Variants in LAP3 observed in about 807,000 individuals in gnomAD.
LAP3 encodes the protein leucine aminopeptidase 3.
In LAP3, 46 loss-of-function variants were observed where a neutral mutation model predicts 58.8. The ratio of observed to expected loss-of-function variants is 0.78; its 90% CI spans 0.62 to 1.00. The LOEUF is 1.00. Ranked by LOEUF, LAP3 falls within the 50% of genes least tolerant of loss-of-function variation. The probability of loss-of-function intolerance (pLI) is 0.00; values close to 1 mark genes in which losing one functional copy is unlikely to be tolerated. For missense variants in LAP3, 615 were observed against 659.1 expected (o/e 0.93, Z 0.73); for synonymous variants, 257 against 237.7 (o/e 1.08, Z -0.75).
intron 6 of LAP3, 144 bp from the exon 7 acceptor site, chr4:17,588,675 T>TG: frequency 1.5e-6 from 1 of 687,100 alleles, no homozygotes; most frequent in South Asian, 2.8e-5. Flanking sequence ...AAGCAAATAA[T>TG]GGGACCTGAT....
At chr4:17,577,889 G>A (rs1410698968) in intron 1 of LAP3, among the ~76,000 whole-genome samples, 1 of 152,178 alleles carries the variant, frequency 6.6e-6, no homozygotes, top group Admixed American at 6.5e-5. Context: ...CGGCGGTGGG[G>A]CTCCCATCCG....
In LAP3 at chr4:17,577,368, C is replaced by A; in HGVS notation, c.-98C>A. 1.1e-6 allele frequency: 1 copy of A among 900,924 alleles called. No individual in the cohort carries two copies. The highest frequency in any genetic ancestry group is 1.6e-6 in the Non-Finnish European group (1 of 634,470). The allele number at this position is 900,924 out of a possible 1,614,324, so 55.8% of individuals were successfully genotyped here. A position where few individuals can be genotyped will look rare whatever the true frequency, so the allele number is the denominator to read the frequency against. ...CCCGGCGCCCGAGCCAGTCCGCGCG[C>A]ACGCCGTCTGCGCCCCGAAAGCCCC... On this transcript the variant is annotated 5_prime_UTR_variant, in exon 1 of 13. Transcript: ENST00000226299.
In LAP3 at chr4:17,577,234, A is replaced by C. The variant is rs1419344163; in HGVS notation, c.-232A>C. On this transcript the variant is annotated 5_prime_UTR_variant, in exon 1 of 13. Transcript: ENST00000226299. ...CGGGCGCACACGAATGCGGGCGCAC[A>C]CGAATGCGGGCGCACCCTTGAGTCC... is the stretch of plus-strand genomic sequence containing the variant. The C allele has an allele frequency of 1.9e-5, 7 of 364,288 alleles. No homozygotes were observed. The highest frequency in any genetic ancestry group is 8.0e-5 in the African/African-American group (3 of 37,558). 22.6% of individuals were successfully genotyped at this position (364,288 alleles called of 1,614,324 possible). A position where few individuals can be genotyped will look rare whatever the true frequency, so the allele number is the denominator to read the frequency against.
intron 10 of LAP3, among the ~76,000 whole-genome samples, chr4:17,599,877 G>A (rs149175624): frequency 4.8e-4 from 73 of 152,262 alleles, no homozygotes; most frequent in African/African-American, 1.5e-3. Flanking sequence ...TCAGTTAGCC[G>A]TGGGCAAGTT....
chr4:17,583,690 C>T (rs1253371453), intron 5 of LAP3, 48 bp downstream of exon 5: 1 of 1,607,404 alleles, frequency 6.2e-7, no homozygotes, highest in African/African-American at 1.3e-5. Context: ...GGCGTTCTGA[C>T]AGCCTGGCTT....
rs372112183 is a variant in LAP3, at chr4:17,598,488, A to G, written c.1110A>G (p.Ile370Met). 6.2e-7 allele frequency: 1 copy of G among 1,613,946 alleles called. No homozygotes were observed. Among genetic ancestry groups the G allele is most frequent in the Non-Finnish European group, 8.5e-7 (1 of 1,179,982 alleles). The part of the protein sequence containing the change: ...VDNTDAEGRL[I>M]LADALCYAHT... ...ACACTGATGCTGAGGGGAGGCTCAT[A>G]CTGGCTGATGCGCTCTGTTACGCAC... Residue 370 changes from isoleucine (I) to methionine (M), a missense_variant, in exon 10 of 13, where the codon ATA becomes ATG. Transcript: ENST00000226299.
At chr4:17,598,070 G>A (rs138049925) in intron 9 of LAP3, among the ~76,000 whole-genome samples, 429 of 152,220 alleles carry the variant, frequency 2.8e-3, no homozygotes, top group African/African-American at 9.7e-3. Flanking sequence ...ACAAAGTTAC[G>A]GGTAAAATGG....
intron 7 of LAP3, 22 bp downstream of exon 7, chr4:17,588,999 C>A (rs770910763): frequency 1.2e-6 from 2 of 1,603,016 alleles, no homozygotes; most frequent in Non-Finnish European, 1.7e-6. Flanking sequence ...GGTGTCCGTG[C>A]TTTGTATTTT....
Position 17,577,249 on chromosome 4 carries a change from C to CACGAATGCGGGCGCACACGAATGTGGG in LAP3, c.-217_-216insACGAATGCGGGCGCACACGAATGTGGG. 1 of 390,326 alleles carries CACGAATGCGGGCGCACACGAATGTGGG rather than the reference C, an allele frequency of 2.6e-6. No homozygotes were observed. The highest frequency in any genetic ancestry group is 4.5e-6 in the Non-Finnish European group (1 of 220,804). 24.2% of individuals were successfully genotyped at this position (390,326 alleles called of 1,614,324 possible). Reference sequence around the variant, plus strand: ...GCGGGCGCACACGAATGCGGGCGCACCCTTGAGTCCCCTCCACAACCGCGG... The same window carrying CACGAATGCGGGCGCACACGAATGTGGG: ...GCGGGCGCACACGAATGCGGGCGCACACGAATGCGGGCGCACACGAATGTGGGCCTTGAGTCCCCTCCACAACCGCGG... On this transcript the variant is annotated 5_prime_UTR_variant, in exon 1 of 13. In the 5' UTR this introduces an upstream ATG that the reference lacks. Coordinates refer to ENST00000226299, the MANE Select transcript of LAP3 (RefSeq NM_015907.3).
At chr4:17,603,467 G>T (rs988250135) in intron 10 of LAP3, among the ~76,000 whole-genome samples, 1 of 151,648 alleles carries the variant, frequency 6.6e-6, no homozygotes, top group Admixed American at 6.6e-5. Context: ...AGACCAGCCT[G>T]AGCAACATAA....
intron 7 of LAP3, among the ~76,000 whole-genome samples, chr4:17,593,609 G>GTTTTTTTTTTGTTTTT (rs1713753332): frequency 1.1e-5 from 1 of 87,608 alleles, no homozygotes; most frequent in African/African-American, 4.7e-5. Context: ...ATCTGCTTGG[G>GTTTTTTTTTTGTTTTT]TTTTTTTTTT....
intron 10 of LAP3, among the ~76,000 whole-genome samples, chr4:17,599,267 G>A (rs1577224632): frequency 2.0e-5 from 3 of 152,128 alleles, no homozygotes; most frequent in Admixed American, 1.3e-4. Context: ...AGCCAGGAGC[G>A]GTGGCTCACA....
At chr4:17,584,813 G>A (rs1481363349) in intron 5 of LAP3, 159 bp from the exon 6 acceptor site, 5 of 637,036 alleles carry the variant, frequency 7.8e-6, no homozygotes, top group South Asian at 2.0e-5. Flanking sequence ...GCTGCCCTGG[G>A]TCAGATCACA....
chr4:17,596,142 C>G (rs916537051), intron 8 of LAP3, among the ~76,000 whole-genome samples: 1 of 152,128 alleles, frequency 6.6e-6, no homozygotes, highest in African/African-American at 2.4e-5. Context: ...TGCCCCCCTC[C>G]TTCACTATCA....
chr4:17,598,517 C>T lies in LAP3; in HGVS notation c.1139C>T (p.Thr380Met), dbSNP rs780579471. 45 of 1,613,988 alleles carry T rather than the reference C, an allele frequency of 2.8e-5. No homozygotes were observed. The highest frequency in any genetic ancestry group is 3.5e-5 in the Non-Finnish European group (41 of 1,179,990). ...GCTGATGCGCTCTGTTACGCACACA[C>T]GTTTAACCCGAAGGTCATCCTCAAT... Reference protein sequence around the residue: ...ILADALCYAHTFNPKVILNAA... With the variant: ...ILADALCYAHMFNPKVILNAA... Residue 380 changes from threonine to methionine, a missense_variant, in exon 10 of 13, where the codon ACG (threonine) becomes ATG (methionine). Physicochemically the swap from Thr to Met is moderately conservative, Grantham distance 81 (BLOSUM62 -1). Transcript: ENST00000226299.
chr4:17,605,626 T>A (rs1560153132), intron 11 of LAP3, among the ~76,000 whole-genome samples: 1 of 152,174 alleles, frequency 6.6e-6, no homozygotes, highest in African/African-American at 2.4e-5. Context: ...CACTCTAAAC[T>A]GCTTCTCCTT....
chr4:17,577,248 A>ACACGAATGCGGGCGCC lies in LAP3; in HGVS notation c.-217_-216insACGAATGCGGGCGCCC. 7.9e-6 allele frequency: 3 copies of ACACGAATGCGGGCGCC among 379,830 alleles called. No homozygotes were observed. Among genetic ancestry groups the ACACGAATGCGGGCGCC allele is most frequent in the Admixed American group, 4.7e-5 (1 of 21,158 alleles). 23.5% of individuals were successfully genotyped at this position (379,830 alleles called of 1,614,324 possible). A position where few individuals can be genotyped will look rare whatever the true frequency, so the allele number is the denominator to read the frequency against. On this transcript the variant is annotated 5_prime_UTR_variant, in exon 1 of 13. In the 5' UTR this introduces an upstream ATG that the reference lacks. Transcript: ENST00000226299. ...TGCGGGCGCACACGAATGCGGGCGC[A>ACACGAATGCGGGCGCC]CCCTTGAGTCCCCTCCACAACCGCG...
chr4:17,591,633 G>C (rs996732602), intron 7 of LAP3, among the ~76,000 whole-genome samples: 5 of 152,172 alleles, frequency 3.3e-5, no homozygotes, highest in African/African-American at 1.2e-4. Flanking sequence ...TGAAGAATCA[G>C]GAGGAATTAG....
At chr4:17,583,270 C>G (rs1171970356) in intron 4 of LAP3, among the ~76,000 whole-genome samples, 1 of 152,208 alleles carries the variant, frequency 6.6e-6, no homozygotes, top group African/African-American at 2.4e-5. Context: ...ATCAGCCTGT[C>G]CTCACCACCA....
Sources: allele counts gnomAD v4.1 joint callset (sites outside exome capture counted in the v4.1 genomes callset), GRCh38; gene constraint gnomAD v4.1.1; transcripts MANE v1.5; gene names NCBI Gene and HGNC (gene_info 2026-07-23, HGNC 2026-07-21).